Variants in WDPCP observed in about 807,000 individuals in gnomAD.
WDPCP encodes WD repeat-containing and planar cell polarity effector protein fritz homolog.
In WDPCP, 71 loss-of-function variants were observed where a neutral mutation model predicts 93.1. The ratio of observed to expected loss-of-function variants is 0.76; its 90% CI spans 0.63 to 0.93. The LOEUF (loss-of-function observed/expected upper bound fraction) is 0.93, where lower values mean the gene tolerates loss of function less well. Ranked by LOEUF, WDPCP falls within the 40% of genes least tolerant of loss-of-function variation. WDPCP has a pLI of 0.00. For synonymous variants in WDPCP, 315 were observed against 315.0 expected (o/e 1.00, Z 0.00); for missense variants, 844 against 887.4 (o/e 0.95, Z 0.62).
At chr2:63,469,846 A>T (rs139540068) in intron 6 of WDPCP, among the ~76,000 whole-genome samples, 4,381 of 152,248 alleles carry the variant, frequency 0.029, 92 homozygotes, top group South Asian at 0.07. Context: ...TCTTGAACCT[A>T]AAATAAAAGT....
chr2:63,405,929 G>A (rs193148321), intron 9 of WDPCP, among the ~76,000 whole-genome samples: 1 of 152,234 alleles, frequency 6.6e-6, no homozygotes, highest in East Asian at 1.9e-4. Flanking sequence ...TCTAAGGTCT[G>A]CACCTGAGTT....
chr2:63,721,249 T>C (rs747835866), intron 2 of WDPCP, among the ~76,000 whole-genome samples: 139 of 152,378 alleles, frequency 9.1e-4, no homozygotes, highest in Non-Finnish European at 2.8e-4. Flanking sequence ...GTTCTTGATC[T>C]GTCCACTTCA....
At chr2:63,840,090 C>T in the WDPCP span, among the ~76,000 whole-genome samples, 1 of 152,194 alleles carries the variant, frequency 6.6e-6, no homozygotes, top group Non-Finnish European at 1.5e-5. Context: ...CTGTAATTAC[C>T]GTACTTGTTT....
chr2:63,552,923 TGATTTCTAC>T (rs1705793194), intron 1 of WDPCP, among the ~76,000 whole-genome samples: 1 of 152,110 alleles, frequency 6.6e-6, no homozygotes, highest in African/African-American at 2.4e-5. Flanking sequence ...TGTCTAAAGG[TGATTTCTAC>T]TAAGCAGTGA....
At chr2:63,371,026 A>G (rs1228064525) in intron 12 of WDPCP, among the ~76,000 whole-genome samples, 2 of 152,070 alleles carry the variant, frequency 1.3e-5, no homozygotes, top group Non-Finnish European at 2.9e-5. Context: ...TTAAATATAT[A>G]TATTTCCCTT....
intron 1 of WDPCP, among the ~76,000 whole-genome samples, chr2:63,553,403 G>C (rs180748904): frequency 5.9e-5 from 9 of 152,214 alleles, no homozygotes; most frequent in Admixed American, 5.2e-4. Context: ...TCTGTCATTT[G>C]GTTAGGTCAG....
chr2:63,272,201 G>T (rs575041700), intron 13 of WDPCP, among the ~76,000 whole-genome samples: 1 of 152,230 alleles, frequency 6.6e-6, no homozygotes, highest in South Asian at 2.1e-4. Context: ...ACTAACAACT[G>T]CAGCCCAAGC....
chr2:63,502,348 A>C (rs1466650648), intron 1 of WDPCP, among the ~76,000 whole-genome samples: 1 of 152,228 alleles, frequency 6.6e-6, no homozygotes, highest in Non-Finnish European at 1.5e-5. Flanking sequence ...TACAAATAAT[A>C]TAACCATGAA....
At chr2:63,321,384 CTCTGTGTGTGTGTG>C (rs1335572793) in intron 12 of WDPCP, among the ~76,000 whole-genome samples, 21 of 114,256 alleles carry the variant, frequency 1.8e-4, no homozygotes, top group African/African-American at 7.4e-4. Context: ...TATATATACA[CTCTGTGTGTGTGTG>C]TGTGTGTGTG....
intron 12 of WDPCP, among the ~76,000 whole-genome samples, chr2:63,351,680 A>G (rs1268950676): frequency 3.3e-5 from 5 of 152,224 alleles, no homozygotes; most frequent in Non-Finnish European, 7.3e-5. Context: ...ATTGATAGGC[A>G]CATGAGTGGA....
At chr2:63,278,384 C>G (rs540678055) in intron 13 of WDPCP, among the ~76,000 whole-genome samples, 1 of 152,094 alleles carries the variant, frequency 6.6e-6, no homozygotes, top group African/African-American at 2.4e-5. Context: ...AAACCCAAAA[C>G]CAGCAGAAGA....
At chr2:63,470,766 T>C (rs1325939065) in intron 6 of WDPCP, among the ~76,000 whole-genome samples, 1 of 152,210 alleles carries the variant, frequency 6.6e-6, no homozygotes, top group Non-Finnish European at 1.5e-5. Context: ...AGAAGACATA[T>C]AACTAGTGTC....
chr2:63,599,057 C>T, intron 3 of WDPCP: 3 of 973,432 alleles, frequency 3.1e-6, no homozygotes, highest in East Asian at 2.8e-5. Flanking sequence ...TTGGTGTTTC[C>T]CAAGCCTCCC....
intron 2 of WDPCP, among the ~76,000 whole-genome samples, chr2:63,712,353 A>T (rs1669275029): frequency 6.6e-6 from 1 of 152,252 alleles, no homozygotes; most frequent in Admixed American, 6.5e-5. Flanking sequence ...GAAAATATTA[A>T]AAGTAGCAAT....
chr2:63,556,262 A>C (rs905293262), intron 1 of WDPCP, among the ~76,000 whole-genome samples: 6 of 152,234 alleles, frequency 3.9e-5, no homozygotes, highest in African/African-American at 1.4e-4. Context: ...CTTGAAGACT[A>C]TCTTGCTGAA....
chr2:63,642,669 T>A (rs1009612139), intron 3 of WDPCP: 2 of 152,176 alleles, frequency 1.3e-5, no homozygotes, highest in African/African-American at 4.8e-5. Flanking sequence ...TCAACTTTAC[T>A]GAGTTTGTTT....
intron 14 of WDPCP, among the ~76,000 whole-genome samples, chr2:63,202,151 TAACTC>T (rs1479997714): frequency 2.6e-5 from 4 of 151,990 alleles, no homozygotes; most frequent in African/African-American, 7.2e-5. Flanking sequence ...TTTACCCTAA[TAACTC>T]AATCATTTTA....
At chr2:63,606,761 C>A in intron 3 of WDPCP, 2 of 759,702 alleles carry the variant, frequency 2.6e-6, no homozygotes, top group Non-Finnish European at 3.8e-6. Context: ...TAGAATCAGA[C>A]TTTAAAACGA....
chr2:63,588,309 G>A lies in WDPCP; in HGVS notation c.-38C>T. 1 of 1,557,026 alleles carries A rather than the reference G, an allele frequency of 6.4e-7. No homozygotes were observed. The highest frequency in any genetic ancestry group is 1.4e-5 in the African/African-American group (1 of 73,260). ...CCCCGGGCAGAAGGTTCCTAGGCTAGGTCCTCGGACCCGAGAGGGAGCGAC... is the reference window on the plus strand; with the variant it reads ...CCCCGGGCAGAAGGTTCCTAGGCTAAGTCCTCGGACCCGAGAGGGAGCGAC... On this transcript the variant is annotated 5_prime_UTR_variant, in exon 1 of 18. Transcript: ENST00000272321.
Sources: gnomAD v4.1 joint callset for allele counts (sites outside exome capture counted in the v4.1 genomes callset) on GRCh38, gnomAD v4.1.1 for gene constraint, MANE v1.5 for transcripts, NCBI Gene and HGNC (gene_info 2026-07-23, HGNC 2026-07-21) for gene names.